FAM135B: variants seen among roughly 807,000 people sequenced by gnomAD.
The protein encoded by FAM135B is protein FAM135B.
FAM135B carries 43 observed loss-of-function variants against 127.7 expected under a neutral mutation model. That is an observed-to-expected ratio of 0.34 (90% CI 0.26 to 0.43). The LOEUF (loss-of-function observed/expected upper bound fraction) is 0.43, where lower values mean the gene tolerates loss of function less well. FAM135B is among the 20% of genes least tolerant of loss of function. FAM135B has a pLI of 1.00. For missense variants in FAM135B, 1,558 were observed against 1,725.6 expected (o/e 0.90, Z 1.72); for synonymous variants, 670 against 665.1 (o/e 1.01, Z -0.11).
At chr8:138,240,516 C>T (rs1487296182) in intron 7 of FAM135B, among the ~76,000 whole-genome samples, 1 of 152,184 alleles carries the variant, frequency 6.6e-6, no homozygotes, top group African/African-American at 2.4e-5. Context: ...CAGCTTCCTA[C>T]ATGAATATGA....
At chr8:138,302,772 G>C (rs960770256) in intron 3 of FAM135B, among the ~76,000 whole-genome samples, 8 of 152,192 alleles carry the variant, frequency 5.3e-5, no homozygotes, top group African/African-American at 1.9e-4. Flanking sequence ...CCACACCCTG[G>C]TCTTTGGGCC....
chr8:138,376,220 G>C (rs745696803), intron 1 of FAM135B, among the ~76,000 whole-genome samples: 1 of 152,182 alleles, frequency 6.6e-6, no homozygotes, highest in East Asian at 1.9e-4. Flanking sequence ...TAGGATTACA[G>C]ACATGAACCA....
chr8:138,154,286 C>A (rs1023763010), intron 12 of FAM135B, among the ~76,000 whole-genome samples: 18 of 151,896 alleles, frequency 1.2e-4, no homozygotes, highest in African/African-American at 4.3e-4. Flanking sequence ...CCCATCTGTA[C>A]GTCACCATCA....
intron 2 of FAM135B, among the ~76,000 whole-genome samples, chr8:138,348,996 T>C (rs1195101639): frequency 6.6e-6 from 1 of 152,228 alleles, no homozygotes; most frequent in Non-Finnish European, 1.5e-5. Context: ...CCAGACTAGA[T>C]GAGGCCAGCC....
chr8:138,356,336 C>G (rs1830089345), intron 2 of FAM135B, among the ~76,000 whole-genome samples: 1 of 151,972 alleles, frequency 6.6e-6, no homozygotes, highest in Non-Finnish European at 1.5e-5. Flanking sequence ...ACGCTAGAGT[C>G]TAGGCATCCA....
At chr8:138,392,676 A>C in intron 1 of FAM135B, among the ~76,000 whole-genome samples, 1 of 152,286 alleles carries the variant, frequency 6.6e-6, no homozygotes, top group South Asian at 2.1e-4. Flanking sequence ...TAGACAAGTA[A>C]CTTAGTGTCT....
At chr8:138,228,682 G>A (rs1051530683) in intron 7 of FAM135B, among the ~76,000 whole-genome samples, 12 of 152,088 alleles carry the variant, frequency 7.9e-5, no homozygotes, top group Non-Finnish European at 1.5e-4. Context: ...GTTGCTCTTC[G>A]GAATTGACTT....
chr8:138,170,440 T>G (rs1820329776), intron 11 of FAM135B, among the ~76,000 whole-genome samples: 1 of 152,102 alleles, frequency 6.6e-6, no homozygotes, highest in Non-Finnish European at 1.5e-5. Context: ...CAGGCTGGTC[T>G]TGAACTCCCG....
At position 138,241,267 on chromosome 8, in the gene FAM135B, C is replaced by T. The variant is rs931895072; in HGVS notation, c.669+1675G>A. On this transcript the variant is annotated intron_variant, in intron 7 of 19. Transcript: ENST00000395297. This position sits in a 1 kb window ranked among gnomAD's most constrained non-coding sequence, Gnocchi z 4.8. ...TTCACTTCCTATGTGCTGGGCCCTG[C>T]GTCAGTGCTAAGGACGTCAGGTTCT... 3.3e-5 allele frequency among the ~76,000 whole-genome samples: 5 copies of T among 152,162 alleles called. No homozygotes were observed. Among genetic ancestry groups the T allele is most frequent in the African/African-American group, 7.2e-5 (3 of 41,434 alleles).
chr8:138,347,908 T>C (rs987116601), intron 2 of FAM135B, among the ~76,000 whole-genome samples: 1 of 152,088 alleles, frequency 6.6e-6, no homozygotes, highest in Non-Finnish European at 1.5e-5. Flanking sequence ...CCTGATTTCA[T>C]GAGGTTAAGA....
intron 7 of FAM135B, among the ~76,000 whole-genome samples, chr8:138,216,160 T>A (rs912310287): frequency 4.6e-5 from 7 of 152,120 alleles, no homozygotes; most frequent in Admixed American, 2.6e-4. Context: ...GAATAGAAGA[T>A]CTGCAGTGGA....
At chr8:138,247,453 T>A (rs1039940015) in intron 6 of FAM135B, among the ~76,000 whole-genome samples, 1 of 152,238 alleles carries the variant, frequency 6.6e-6, no homozygotes, top group African/African-American at 2.4e-5. Flanking sequence ...TTTATCCTTT[T>A]GCTCAGCACT....
At chr8:138,471,924 T>A (rs1320101627) in intron 1 of FAM135B, among the ~76,000 whole-genome samples, 1 of 151,964 alleles carries the variant, frequency 6.6e-6, no homozygotes, top group Non-Finnish European at 1.5e-5. Flanking sequence ...AGAGAAGTGA[T>A]TCACAGAAGG....
At chr8:138,200,545 G>T (rs576355877) in intron 7 of FAM135B, among the ~76,000 whole-genome samples, 1 of 152,162 alleles carries the variant, frequency 6.6e-6, no homozygotes, top group Admixed American at 6.5e-5. Flanking sequence ...CTCTTATTTT[G>T]ATTTTCAAAA....
chr8:138,433,851 C>T (rs959996488), intron 1 of FAM135B, among the ~76,000 whole-genome samples: 4 of 152,096 alleles, frequency 2.6e-5, no homozygotes, highest in African/African-American at 9.7e-5. Context: ...GTGGCAATAG[C>T]CCAGGACAGA....
chr8:138,467,207 C>A (rs911180106), intron 1 of FAM135B, among the ~76,000 whole-genome samples: 4 of 152,194 alleles, frequency 2.6e-5, no homozygotes, highest in Non-Finnish European at 5.9e-5. Flanking sequence ...TATCTTATAC[C>A]AATTGCTGCT....
chr8:138,235,273 C>T (rs928270211), intron 7 of FAM135B, among the ~76,000 whole-genome samples: 1 of 151,902 alleles, frequency 6.6e-6, no homozygotes, highest in African/African-American at 2.4e-5. Flanking sequence ...AATGAAGATG[C>T]TACACCAGGC....
chr8:138,265,441 G>A (rs1448571155), intron 4 of FAM135B, among the ~76,000 whole-genome samples: 1 of 152,172 alleles, frequency 6.6e-6, no homozygotes, highest in Non-Finnish European at 1.5e-5. Context: ...CTGGGCAAAT[G>A]AGGAGGGAAG....
intron 1 of FAM135B, among the ~76,000 whole-genome samples, chr8:138,494,640 A>G (rs554114377): frequency 6.6e-6 from 1 of 152,222 alleles, no homozygotes; most frequent in Non-Finnish European, 1.5e-5. Flanking sequence ...GGTTCCTTCC[A>G]GAAATTATAA....
Sources: allele counts gnomAD v4.1 joint callset (sites outside exome capture counted in the v4.1 genomes callset), GRCh38; gene constraint gnomAD v4.1.1; non-coding constraint Gnocchi (gnomAD v3.1); transcripts MANE v1.5; gene names NCBI Gene and HGNC (gene_info 2026-07-23, HGNC 2026-07-21).